The following NAV3 variants were observed in gnomAD, a reference collection of about 807,000 sequenced individuals.
The protein encoded by NAV3 is neuron navigator 3, also known as pore membrane and/or filament interacting like protein 1.
A neutral mutation model predicts 244.7 loss-of-function variants in NAV3; 87 were observed. That is an observed-to-expected ratio of 0.36 (90% CI 0.30 to 0.42). The LOEUF (loss-of-function observed/expected upper bound fraction) is 0.42, where lower values mean the gene tolerates loss of function less well. NAV3 is among the 20% of genes least tolerant of loss of function. The pLI is 1.00. For synonymous variants in NAV3, 1,126 were observed against 1,042.2 expected (o/e 1.08, Z -1.55); for missense variants, 2,663 against 2,893.3 (o/e 0.92, Z 1.83).
chr12:77,938,948 G>C (rs1044169666), intron 1 of NAV3, among the ~76,000 whole-genome samples: 8 of 151,574 alleles, frequency 5.3e-5, no homozygotes, highest in African/African-American at 1.9e-4. Context: ...GTGTGTGTGT[G>C]TGTGTGTGTG....
intron 5 of NAV3, among the ~76,000 whole-genome samples, chr12:77,989,024 TGATC>T (rs1414491289): frequency 6.6e-6 from 1 of 152,106 alleles, no homozygotes; most frequent in Non-Finnish European, 1.5e-5. Context: ...GGGGAGAGAT[TGATC>T]ATGTGAAAAT....
At chr12:77,583,590 A>G (rs1869465712) in intron 2 of NAV3, among the ~76,000 whole-genome samples, 1 of 152,182 alleles carries the variant, frequency 6.6e-6, no homozygotes, top group Admixed American at 6.5e-5. Context: ...ATAAAGATGT[A>G]CCCAGACATT....
chr12:78,116,079 T>A (rs1955362984), intron 12 of NAV3, among the ~76,000 whole-genome samples: 1 of 152,210 alleles, frequency 6.6e-6, no homozygotes, highest in Admixed American at 6.5e-5. Flanking sequence ...CTTTGAAGGA[T>A]GTTGAGCAAG....
intron 27 of NAV3, 55 bp downstream of exon 27, chr12:78,177,368 G>A (rs1958280454): frequency 1.3e-5 from 20 of 1,559,974 alleles, no homozygotes; most frequent in Non-Finnish European, 1.7e-5. Flanking sequence ...AATTTTAGAT[G>A]AAGGCCTTAT....
chr12:77,924,860 A>G (rs557324068), intron 1 of NAV3, among the ~76,000 whole-genome samples: 29 of 152,154 alleles, frequency 1.9e-4, no homozygotes, highest in African/African-American at 7.0e-4. Context: ...CTTATAGTGT[A>G]TAGCTCATTT....
At chr12:78,143,856 T>A (rs1227116186) in intron 20 of NAV3, among the ~76,000 whole-genome samples, 1 of 152,156 alleles carries the variant, frequency 6.6e-6, no homozygotes, top group Non-Finnish European at 1.5e-5. Context: ...TGGCATGGGC[T>A]CTCAGGAAGC....
intron 2 of NAV3, among the ~76,000 whole-genome samples, chr12:77,683,321 A>G (rs1348898356): frequency 6.6e-6 from 1 of 151,962 alleles, no homozygotes; most frequent in Non-Finnish European, 1.5e-5. Flanking sequence ...AATTGATCAT[A>G]AATGTATAGT....
chr12:77,779,780 A>G (rs989059260), intron 2 of NAV3, among the ~76,000 whole-genome samples: 1 of 152,304 alleles, frequency 6.6e-6, no homozygotes, highest in African/African-American at 2.4e-5. Context: ...TGTCAGCCAA[A>G]TAAGCAGATA....
intron 3 of NAV3, among the ~76,000 whole-genome samples, chr12:77,960,994 T>C (rs2127202): frequency 0.25 from 31,796 of 126,396 alleles, 3,256 homozygotes; most frequent in African/African-American, 0.3. Context: ...GTTACATGTA[T>C]ACGCATATAT....
chr12:77,610,957 G>A (rs1870885073), intron 2 of NAV3, among the ~76,000 whole-genome samples: 1 of 148,474 alleles, frequency 6.7e-6, no homozygotes, highest in Admixed American at 6.7e-5. Flanking sequence ...GGGAATACAG[G>A]ATGTCCAATC....
intron 1 of NAV3, among the ~76,000 whole-genome samples, chr12:77,932,205 A>G (rs1173304401): frequency 6.6e-6 from 1 of 152,008 alleles, no homozygotes; most frequent in African/African-American, 2.4e-5. Flanking sequence ...TTTTGTTTTC[A>G]TTTCCATGCC....
chr12:77,959,185 A>C (rs570794813), intron 3 of NAV3, among the ~76,000 whole-genome samples: 7 of 152,288 alleles, frequency 4.6e-5, no homozygotes, highest in African/African-American at 1.7e-4. Context: ...AATTGGAATC[A>C]CCTGCAGATT....
At position 78,122,211 on chromosome 12, in the gene NAV3, T is replaced by A. The variant is rs2138694482; in HGVS notation, c.4021T>A (p.Ser1341Thr). ...CCCAGCATCGGTTCACTCTTTCACA[T>A]CAGGTGGTCTCGTGTGGGCTGCCAA... ...SSPASVHSFTSGGLVWAANMS... is the reference protein window; with the variant it reads ...SSPASVHSFTTGGLVWAANMS... Residue 1341 changes from serine to threonine, a missense_variant, in exon 16 of 40, where the codon TCA becomes ACA. Coordinates refer to ENST00000397909, the MANE Select transcript of NAV3 (RefSeq NM_001024383.2). 6.2e-7 allele frequency: 1 copy of A among 1,614,114 alleles called. No homozygotes were observed. The highest frequency in any genetic ancestry group is 8.5e-7 in the Non-Finnish European group (1 of 1,180,012).
In NAV3 at chr12:78,119,347, A is replaced by C; in HGVS notation, c.3151A>C (p.Lys1051Gln). 2 of 1,614,166 alleles carry C rather than the reference A, an allele frequency of 1.2e-6. No individual in the cohort carries two copies. Among genetic ancestry groups the C allele is most frequent in the Non-Finnish European group, 1.7e-6 (2 of 1,180,022 alleles). ...AGKSSGDEGK[K>Q]PPSGIGRSTA... Reference sequence around the variant, plus strand: ...AAAAAGCAGTGGAGATGAAGGGAAAAAGCCCCCCTCAGGCATTGGAAGATC... The same window carrying C: ...AAAAAGCAGTGGAGATGAAGGGAAACAGCCCCCCTCAGGCATTGGAAGATC... The change falls in exon 15 of 40, where the codon AAG (lysine) becomes CAG (glutamine). Residue 1051 changes from lysine to glutamine, a missense_variant. Lys to Gln is a moderately conservative substitution (Grantham distance 53). Transcript: ENST00000397909.
chr12:77,737,040 G>T (rs549762427), intron 2 of NAV3, among the ~76,000 whole-genome samples: 3 of 151,972 alleles, frequency 2.0e-5, no homozygotes, highest in Non-Finnish European at 4.4e-5. Context: ...AGAGGGTAAA[G>T]AAATAAGGAT....
chr12:77,761,160 G>T (rs1226489409), intron 2 of NAV3, among the ~76,000 whole-genome samples: 3 of 152,158 alleles, frequency 2.0e-5, no homozygotes, highest in Admixed American at 2.0e-4. Flanking sequence ...CCACGTTCAA[G>T]CGATTCTCCT....
chr12:77,859,685 A>C (rs1878935659), intron 1 of NAV3, among the ~76,000 whole-genome samples: 1 of 139,088 alleles, frequency 7.2e-6, no homozygotes, highest in African/African-American at 2.6e-5. Context: ...TTCTTTGTGA[A>C]TTATGTAATA....
chr12:78,032,037 A>G (rs948237774), intron 9 of NAV3, among the ~76,000 whole-genome samples: 2 of 152,162 alleles, frequency 1.3e-5, no homozygotes, highest in Non-Finnish European at 2.9e-5. Flanking sequence ...AGGAGAGACC[A>G]AATTCAAGGC....
At chr12:78,092,721 C>G (rs921055206) in intron 12 of NAV3, among the ~76,000 whole-genome samples, 1 of 151,836 alleles carries the variant, frequency 6.6e-6, no homozygotes, top group Non-Finnish European at 1.5e-5. Context: ...AGGATGGTCT[C>G]GATCTCCTGA....
Sources: gnomAD v4.1 joint callset for allele counts (sites outside exome capture counted in the v4.1 genomes callset) on GRCh38, gnomAD v4.1.1 for gene constraint, MANE v1.5 for transcripts, NCBI Gene and HGNC (gene_info 2026-07-23, HGNC 2026-07-21) for gene names.